The following SGCG variants were observed in gnomAD, a reference collection of about 807,000 sequenced individuals.
SGCG encodes the protein sarcoglycan gamma, also known as gamma-sarcoglycan.
In SGCG, 26 loss-of-function variants were observed where a neutral mutation model predicts 29.3. The observed-to-expected ratio is 0.89, with a 90% CI of 0.65 to 1.23. The LOEUF (loss-of-function observed/expected upper bound fraction) is 1.23, where lower values mean the gene tolerates loss of function less well. Among genes scored for constraint, SGCG ranks in the 50% most tolerant of loss-of-function variants. The pLI, the probability that SGCG is intolerant of heterozygous loss-of-function variation, is 0.00. For missense variants in SGCG, 353 were observed against 356.0 expected (o/e 0.99, Z 0.07); for synonymous variants, 145 against 129.7 (o/e 1.12, Z -0.80).
upstream of SGCG, among the ~76,000 whole-genome samples, chr13:23,178,268 G>C (rs1430589809): frequency 6.6e-6 from 1 of 152,186 alleles, no homozygotes; most frequent in African/African-American, 2.4e-5. Flanking sequence ...GGAGCAAGGA[G>C]GGAAGGCAAG....
At chr13:23,306,835 T>C (rs549469698) in intron 6 of SGCG, among the ~76,000 whole-genome samples, 12 of 152,296 alleles carry the variant, frequency 7.9e-5, no homozygotes, top group South Asian at 2.1e-4. Flanking sequence ...AGTTTCAGGA[T>C]TGAAAGTTTC....
intron 2 of SGCG, among the ~76,000 whole-genome samples, chr13:23,220,673 AG>A (rs1878623413): frequency 6.6e-6 from 1 of 152,206 alleles, no homozygotes; most frequent in Non-Finnish European, 1.5e-5. Context: ...CTCACAATTT[AG>A]ATGATCAACT....
rs143965851 is a variant in SGCG, at chr13:23,234,814, C to T, written c.297+102C>T. 1,233 of 793,490 alleles carry T rather than the reference C, an allele frequency of 1.6e-3. 10 individuals carry two copies. In the African/African-American group the frequency reaches 0.019, roughly 12 times the overall value. 49.2% of individuals were successfully genotyped at this position (793,490 alleles called of 1,614,324 possible). Reference sequence around the variant, plus strand: ...TTAGAGAAGATTTTTAAAGCGCATACATGTGCACATATTCATGATATGCTC... The same window carrying T: ...TTAGAGAAGATTTTTAAAGCGCATATATGTGCACATATTCATGATATGCTC... On this transcript the variant is annotated intron_variant, in intron 3 of 7. Coordinates refer to ENST00000218867, the MANE Select transcript of SGCG (RefSeq NM_000231.3).
chr13:23,214,952 A>G (rs1008816599), intron 2 of SGCG, among the ~76,000 whole-genome samples: 1 of 152,210 alleles, frequency 6.6e-6, no homozygotes, highest in Non-Finnish European at 1.5e-5. Context: ...GAATTTCATT[A>G]TCATGGACAT....
chr13:23,231,724 C>T (rs1312531338), intron 2 of SGCG, among the ~76,000 whole-genome samples: 2 of 152,144 alleles, frequency 1.3e-5, no homozygotes, highest in African/African-American at 2.4e-5. Flanking sequence ...TTATAAATGC[C>T]TGGCTGGATC....
chr13:23,256,841 G>A (rs558755755), intron 4 of SGCG, among the ~76,000 whole-genome samples: 1 of 152,290 alleles, frequency 6.6e-6, no homozygotes, highest in Non-Finnish European at 1.5e-5. Context: ...ATAAACATAG[G>A]TGTGCATGTG....
At chr13:23,196,999 G>C (rs1442517118) in intron 1 of SGCG, among the ~76,000 whole-genome samples, 3 of 152,174 alleles carry the variant, frequency 2.0e-5, no homozygotes, top group Non-Finnish European at 2.9e-5. Flanking sequence ...TCACCTCCTG[G>C]AAGAGCAACT....
chr13:23,279,950 A>T (rs1306533666), intron 5 of SGCG, among the ~76,000 whole-genome samples: 1 of 151,658 alleles, frequency 6.6e-6, no homozygotes, highest in Non-Finnish European at 1.5e-5. Flanking sequence ...CTGGTCTCAA[A>T]CTCCTGACCT....
chr13:23,272,577 C>A (rs4770421), intron 4 of SGCG, among the ~76,000 whole-genome samples: 12,934 of 152,170 alleles, frequency 0.085, 721 homozygotes, highest in South Asian at 0.15. Flanking sequence ...TTTTTGCATT[C>A]ATGAGTAATA....
chr13:23,178,765 C>T (rs77989401), upstream of SGCG, among the ~76,000 whole-genome samples: 1,276 of 152,252 alleles, frequency 8.4e-3, 30 homozygotes, highest in East Asian at 0.093. Context: ...CCAAAACTGA[C>T]GACATCACTA....
At chr13:23,166,733 G>A in the SGCG span, among the ~76,000 whole-genome samples, 1 of 152,118 alleles carries the variant, frequency 6.6e-6, no homozygotes, top group Non-Finnish European at 1.5e-5. Flanking sequence ...TCATTATTCA[G>A]TGTTAGCTCG....
At chr13:23,265,303 G>C (rs1359159088) in intron 4 of SGCG, among the ~76,000 whole-genome samples, 1 of 152,174 alleles carries the variant, frequency 6.6e-6, no homozygotes, top group East Asian at 1.9e-4. Flanking sequence ...AAGGGGCCGG[G>C]CACAGTGGCT....
chr13:23,267,659 G>A (rs11619768), intron 4 of SGCG: 26,827 of 152,304 alleles, frequency 0.18, 2,639 homozygotes, highest in Admixed American at 0.23. Flanking sequence ...AGTGAATATA[G>A]GATTTCAGAA....
Position 23,223,147 on chromosome 13 carries a change from G to A in SGCG, c.196-11464G>A, listed in dbSNP as rs950988830. Among the ~76,000 whole-genome samples the A allele has an allele frequency of 2.4e-4, 37 of 151,914 alleles. 1 individual carries two copies. The highest frequency in any genetic ancestry group is 3.4e-3 in the Middle Eastern group (1 of 294). ...CAAAAAACTAGCGGGGTGTGGTGGC[G>A]GGCGCCTGTAGTTCCAGCTACTCTG... On this transcript the variant is annotated intron_variant, in intron 2 of 7. Coordinates refer to ENST00000218867, the MANE Select transcript of SGCG (RefSeq NM_000231.3).
At chr13:23,262,454 A>G (rs1368297345) in intron 4 of SGCG, among the ~76,000 whole-genome samples, 1 of 152,050 alleles carries the variant, frequency 6.6e-6, no homozygotes. Context: ...CCAAGAAGCT[A>G]TAACAATCCT....
intron 4 of SGCG, among the ~76,000 whole-genome samples, chr13:23,256,145 C>A (rs1055368656): frequency 1.3e-5 from 2 of 151,806 alleles, no homozygotes; most frequent in Non-Finnish European, 2.9e-5. Flanking sequence ...CCAGCAGAAT[C>A]AAAAAATAAA....
the SGCG span, among the ~76,000 whole-genome samples, chr13:23,164,434 G>A: frequency 0.075 from 11,381 of 152,188 alleles, 588 homozygotes; most frequent in East Asian, 0.12. Flanking sequence ...CATTTAACAC[G>A]GAAGGAAACT....
intron 2 of SGCG, among the ~76,000 whole-genome samples, chr13:23,216,509 A>G (rs1878435444): frequency 6.6e-6 from 1 of 152,168 alleles, no homozygotes; most frequent in African/African-American, 2.4e-5. Flanking sequence ...TGGAGCCAAT[A>G]TAACTGTAAA....
chr13:23,261,821 C>T lies in SGCG; in HGVS notation c.385+11104C>T, dbSNP rs188725342. Reference sequence around the variant, plus strand: ...TAACAGCAAATTTCTTAGCAGAAACCTTACAAGTCAGAAAGGATTGGGGTA... The same window carrying T: ...TAACAGCAAATTTCTTAGCAGAAACTTTACAAGTCAGAAAGGATTGGGGTA... On this transcript the variant is annotated intron_variant, in intron 4 of 7. Transcript: ENST00000218867. Among the ~76,000 whole-genome samples the T allele has an allele frequency of 9.2e-5, 14 of 152,126 alleles. No homozygotes were observed. The East Asian group carries it at 2.5e-3, about 27-fold the overall frequency.
Sources: allele counts gnomAD v4.1 joint callset (sites outside exome capture counted in the v4.1 genomes callset), GRCh38; gene constraint gnomAD v4.1.1; transcripts MANE v1.5; gene names NCBI Gene and HGNC (gene_info 2026-07-23, HGNC 2026-07-21).